Variants in DOCK5 observed in about 807,000 individuals in gnomAD.
DOCK5 encodes dedicator of cytokinesis 5, also known as dedicator of cytokinesis protein 5.
In DOCK5, 142 loss-of-function variants were observed where a neutral mutation model predicts 251.8. That is an observed-to-expected ratio of 0.56 (90% CI 0.49 to 0.65). DOCK5 has a LOEUF of 0.65. Ranked by LOEUF, DOCK5 falls within the 30% of genes least tolerant of loss-of-function variation. DOCK5 has a pLI of 0.00. For synonymous variants in DOCK5, 842 were observed against 835.5 expected, an observed-to-expected ratio of 1.01 and a Z score of -0.13; for missense variants, 2,111 against 2,312.3, an observed-to-expected ratio of 0.91 and a Z score of 1.79.
At chr8:25,315,557 C>T (rs987545980) in intron 13 of DOCK5, among the ~76,000 whole-genome samples, 2 of 152,222 alleles carry the variant, frequency 1.3e-5, no homozygotes, top group African/African-American at 2.4e-5. Context: ...ACCTCCATTA[C>T]GTGATTATAC....
At chr8:25,301,494 G>A (rs1804761695) in intron 9 of DOCK5, among the ~76,000 whole-genome samples, 1 of 152,162 alleles carries the variant, frequency 6.6e-6, no homozygotes, top group Non-Finnish European at 1.5e-5. Context: ...AATTTGAGAT[G>A]TGATTAGTTT....
At chr8:25,345,162 C>T (rs192693014) in intron 25 of DOCK5, among the ~76,000 whole-genome samples, 139 of 151,820 alleles carry the variant, frequency 9.2e-4, no homozygotes, top group African/African-American at 2.4e-3. Context: ...CCCTCAATTT[C>T]GTGCATTAGG....
intron 47 of DOCK5, among the ~76,000 whole-genome samples, 168 bp from the exon 48 acceptor site, chr8:25,403,390 A>G (rs1201235028): frequency 1.3e-5 from 2 of 152,128 alleles, no homozygotes. Context: ...AGTACATGCA[A>G]TATTTAACAA....
In DOCK5 at chr8:25,211,437, C is replaced by T. The variant is rs1372396208; in HGVS notation, c.43+26486C>T. Among the ~76,000 whole-genome samples the T allele has an allele frequency of 2.8e-5, 2 of 70,946 alleles. 1 individual carries two copies. The highest frequency in any genetic ancestry group is 9.2e-5 in the Non-Finnish European group (2 of 21,654). 46.5% of individuals were successfully genotyped at this position (70,946 alleles called of 152,430 possible). On this transcript the variant is annotated intron_variant, in intron 1 of 51. Coordinates refer to ENST00000276440, the MANE Select transcript of DOCK5 (RefSeq NM_024940.8). ...TTTCCACACAGGGCCTGGCACACAC[C>T]TAGTAAGTGCTCAATAAAATATGGG... is the stretch of plus-strand genomic sequence containing the variant.
At chr8:25,267,269 C>G (rs781324831) in intron 2 of DOCK5, among the ~76,000 whole-genome samples, 45 of 152,282 alleles carry the variant, frequency 3.0e-4, no homozygotes, top group Non-Finnish European at 5.4e-4. Flanking sequence ...TTTTCTCAGC[C>G]ATGTGCCTTG....
rs560168191 is a variant in DOCK5 at position 25,277,852 on chromosome 8, C to G, written c.225-717C>G. On this transcript the variant is annotated intron_variant, in intron 4 of 51. Coordinates refer to ENST00000276440, the MANE Select transcript of DOCK5 (RefSeq NM_024940.8). ...CAGAAATTCAAACTTAACTAGGTCT[C>G]CTATATTTTTCCTCATTGAGCCTGG... 4.5e-4 allele frequency among the ~76,000 whole-genome samples: 69 copies of G among 152,304 alleles called. 1 individual carries two copies. Among genetic ancestry groups the G allele is most frequent in the African/African-American group, 1.7e-3 (69 of 41,562 alleles).
intron 45 of DOCK5, among the ~76,000 whole-genome samples, chr8:25,397,147 G>T (rs1337410122): frequency 1.3e-5 from 2 of 151,870 alleles, no homozygotes; most frequent in Admixed American, 6.6e-5. Context: ...GCTTGAACCC[G>T]GGAGGTGGAG....
intron 1 of DOCK5, among the ~76,000 whole-genome samples, chr8:25,227,866 C>G (rs1053901599): frequency 6.6e-6 from 1 of 152,028 alleles, no homozygotes. Flanking sequence ...AGATGTTTTT[C>G]TGTGCTTTTG....
At chr8:25,259,261 T>TG (rs1803504178) in intron 2 of DOCK5, among the ~76,000 whole-genome samples, 1 of 152,236 alleles carries the variant, frequency 6.6e-6, no homozygotes, top group South Asian at 2.1e-4. Context: ...ACCTGAGGGG[T>TG]GGCGCATTGA....
At chr8:25,296,488 C>T (rs1239134592) in intron 6 of DOCK5, 25 bp from the exon 7 acceptor site, 9 of 1,598,412 alleles carry the variant, frequency 5.6e-6, no homozygotes, top group Non-Finnish European at 7.7e-6. Flanking sequence ...TGAGGAGAAC[C>T]AGCTGACTAC....
chr8:25,266,342 A>T (rs1425602897), intron 2 of DOCK5, among the ~76,000 whole-genome samples: 1 of 151,184 alleles, frequency 6.6e-6, no homozygotes, highest in East Asian at 1.9e-4. Context: ...CAGCCTCCCT[A>T]GTAGCTGGGA....
At chr8:25,327,200 C>T (rs566747785) in intron 18 of DOCK5, among the ~76,000 whole-genome samples, 9 of 152,326 alleles carry the variant, frequency 5.9e-5, no homozygotes, top group South Asian at 2.1e-4. Flanking sequence ...TCAGCTATCA[C>T]GATCATCATC....
At chr8:25,351,113 A>T (rs1217044249) in intron 26 of DOCK5, among the ~76,000 whole-genome samples, 1 of 151,936 alleles carries the variant, frequency 6.6e-6, no homozygotes, top group Non-Finnish European at 1.5e-5. Flanking sequence ...GCTGGAGTGC[A>T]GTGGCGTGAT....
chr8:25,204,086 G>A (rs540459285), intron 1 of DOCK5, among the ~76,000 whole-genome samples: 23 of 152,122 alleles, frequency 1.5e-4, no homozygotes, highest in African/African-American at 5.6e-4. Context: ...TGCAGAAATA[G>A]TTACTTATAC....
At chr8:25,285,320 A>G (rs1371698873) in intron 5 of DOCK5, among the ~76,000 whole-genome samples, 1 of 151,798 alleles carries the variant, frequency 6.6e-6, no homozygotes, top group East Asian at 1.9e-4. Context: ...TAATTTTTGT[A>G]TTTTCAGTAG....
intron 34 of DOCK5, among the ~76,000 whole-genome samples, chr8:25,370,763 C>T (rs1192553849): frequency 6.6e-6 from 1 of 152,014 alleles, no homozygotes; most frequent in Non-Finnish European, 1.5e-5. Flanking sequence ...ACTTCAGCCT[C>T]CCTAGTAGCT....
chr8:25,408,487 C>T (rs1384832579), intron 49 of DOCK5, among the ~76,000 whole-genome samples: 1 of 152,128 alleles, frequency 6.6e-6, no homozygotes, highest in Non-Finnish European at 1.5e-5. Flanking sequence ...AGGTACTTTT[C>T]CTTCCATATC....
Position 25,279,207 on chromosome 8 carries a change from T to G in DOCK5, c.321+542T>G, listed in dbSNP as rs372424944. The stretch of plus-strand genomic sequence containing the variant: ...CTGAGAGTCACCTTTTTGGGCAGAC[T>G]CACAGTATTCTTTCTCCCAACACTG... On this transcript the variant is annotated intron_variant, in intron 5 of 51. Transcript: ENST00000276440. 4.9e-4 allele frequency among the ~76,000 whole-genome samples: 74 copies of G among 152,312 alleles called. 2 individuals are homozygous for G. In the South Asian group the frequency reaches 0.015, roughly 30 times the overall value.
At chr8:25,323,973 T>G (rs376734134) in intron 17 of DOCK5, 22 bp downstream of exon 17, 22 of 1,581,664 alleles carry the variant, frequency 1.4e-5, no homozygotes, top group Non-Finnish European at 1.8e-5. Context: ...AGAAAATGGC[T>G]GAGAAAAATA....
Sources: gnomAD v4.1 joint callset for allele counts (sites outside exome capture counted in the v4.1 genomes callset) on GRCh38, gnomAD v4.1.1 for gene constraint, MANE v1.5 for transcripts, NCBI Gene and HGNC (gene_info 2026-07-23, HGNC 2026-07-21) for gene names.